Variants in EPHB1 observed in about 807,000 individuals in gnomAD.
The protein encoded by EPHB1 is EPH receptor B1.
A neutral mutation model predicts 94.4 loss-of-function variants in EPHB1; 30 were observed. That is an observed-to-expected ratio of 0.32 (90% CI 0.24 to 0.43). The LOEUF is 0.43. Among genes scored for constraint, EPHB1 ranks in the 20% least tolerant of loss-of-function variants. The probability of loss-of-function intolerance (pLI) is 1.00; values close to 1 mark genes in which losing one functional copy is unlikely to be tolerated. For missense variants in EPHB1, 1,055 were observed against 1,308.3 expected (o/e 0.81, Z 2.99); for synonymous variants, 522 against 489.1 (o/e 1.07, Z -0.89).
intron 3 of EPHB1, among the ~76,000 whole-genome samples, chr3:135,035,355 G>A (rs1285850928): frequency 6.6e-6 from 1 of 152,192 alleles, no homozygotes; most frequent in African/African-American, 2.4e-5. Flanking sequence ...TACCCACAGA[G>A]TTGAGATTTT....
intron 1 of EPHB1, among the ~76,000 whole-genome samples, chr3:134,822,130 G>T (rs976095634): frequency 2.0e-5 from 3 of 152,214 alleles, no homozygotes; most frequent in Non-Finnish European, 2.9e-5. Context: ...CTGTAATGGA[G>T]TGCCATAGCT....
At chr3:134,936,072 C>T (rs1204818391) in intron 2 of EPHB1, among the ~76,000 whole-genome samples, 1 of 152,100 alleles carries the variant, frequency 6.6e-6, no homozygotes, top group Non-Finnish European at 1.5e-5. Flanking sequence ...TGTATCTTTG[C>T]CCCTGAAGGA....
chr3:134,931,412 C>G (rs1448047294), intron 2 of EPHB1, among the ~76,000 whole-genome samples: 1 of 152,222 alleles, frequency 6.6e-6, no homozygotes, highest in South Asian at 2.1e-4. Context: ...ACTTGGGCCA[C>G]CATTGGCCTC....
At chr3:135,219,119 T>G (rs6769586) in intron 12 of EPHB1, among the ~76,000 whole-genome samples, 99,612 of 151,950 alleles carry the variant, frequency 0.66, 33,858 homozygotes, top group Middle Eastern at 0.78. Context: ...GTAAGCCTCA[T>G]CAGAACAGAG....
At chr3:135,202,581 A>G (rs1942786911) in intron 12 of EPHB1, among the ~76,000 whole-genome samples, 1 of 152,224 alleles carries the variant, frequency 6.6e-6, no homozygotes, top group Non-Finnish European at 1.5e-5. Flanking sequence ...AAAGTGACTG[A>G]TCTACCTACT....
chr3:134,882,768 T>TTCTTTCTTTCTTTCTTTC (rs1560280506), intron 1 of EPHB1, among the ~76,000 whole-genome samples: 19 of 44,564 alleles, frequency 4.3e-4, no homozygotes, highest in African/African-American at 1.2e-3. Context: ...CTTCCTTCCT[T>TTCTTTCTTTCTTTCTTTC]TCTTTCTTTC....
At chr3:135,032,875 C>T (rs981197875) in intron 3 of EPHB1, among the ~76,000 whole-genome samples, 1 of 152,164 alleles carries the variant, frequency 6.6e-6, no homozygotes, top group Admixed American at 6.5e-5. Context: ...AAAATTGTGG[C>T]CATTTCTCAA....
intron 6 of EPHB1, among the ~76,000 whole-genome samples, chr3:135,159,048 C>T (rs988674588): frequency 1.3e-5 from 2 of 152,280 alleles, no homozygotes; most frequent in South Asian, 4.1e-4. Context: ...TTGTTGAGCG[C>T]CCAGGTGGTA....
intron 6 of EPHB1, among the ~76,000 whole-genome samples, chr3:135,158,413 A>G (rs931375679): frequency 1.3e-5 from 2 of 152,182 alleles, no homozygotes; most frequent in Non-Finnish European, 2.9e-5. Flanking sequence ...CTGCCTTTGT[A>G]GCGGGAAAGT....
intron 3 of EPHB1, among the ~76,000 whole-genome samples, chr3:135,063,068 A>G (rs892693725): frequency 6.6e-6 from 1 of 152,162 alleles, no homozygotes; most frequent in Admixed American, 6.5e-5. Context: ...TAACAGTACC[A>G]TGCTGTTTTG....
chr3:134,858,175 A>G (rs1441898510), intron 1 of EPHB1, among the ~76,000 whole-genome samples: 2 of 151,910 alleles, frequency 1.3e-5, no homozygotes, highest in African/African-American at 4.8e-5. Context: ...CATCATCATC[A>G]TCATCATCAT....
At chr3:135,257,634 G>A (rs1308593600) in intron 15 of EPHB1, among the ~76,000 whole-genome samples, 1 of 151,398 alleles carries the variant, frequency 6.6e-6, no homozygotes, top group Admixed American at 6.6e-5. Context: ...TGTCAGACAG[G>A]GACATTTAAG....
intron 15 of EPHB1, among the ~76,000 whole-genome samples, chr3:135,255,994 A>G (rs1186754166): frequency 1.3e-5 from 2 of 149,158 alleles, no homozygotes; most frequent in African/African-American, 5.0e-5. Flanking sequence ...GTCTCTTTTG[A>G]TCTTTGTTGG....
At chr3:134,974,028 T>C (rs1350099528) in intron 3 of EPHB1, among the ~76,000 whole-genome samples, 1 of 152,118 alleles carries the variant, frequency 6.6e-6, no homozygotes, top group African/African-American at 2.4e-5. Flanking sequence ...GGAAGGCAAG[T>C]CTTCAGAGAG....
intron 11 of EPHB1, among the ~76,000 whole-genome samples, chr3:135,200,070 T>G (rs1313286055): frequency 1.3e-5 from 2 of 152,172 alleles, no homozygotes; most frequent in Non-Finnish European, 2.9e-5. Context: ...CTTCCATCTC[T>G]CCTCCAGTCA....
chr3:135,248,500 T>C lies in EPHB1; in HGVS notation c.2681T>C (p.Ile894Thr). Residue 894 changes from isoleucine (I) to threonine (T), a missense_variant, in exon 14 of 16, where the codon ATC (isoleucine) becomes ACC (threonine). By Grantham distance (89) the Ile-to-Thr change is moderately conservative (BLOSUM62 -1). Coordinates refer to ENST00000398015, the MANE Select transcript of EPHB1 (RefSeq NM_004441.5). ...GCAAGTCTCAAGACTGTGGCAACCA[T>C]CACCGCCGTGTGAGTCTAGTGAAAC... is the stretch of plus-strand genomic sequence containing the variant. ...NPASLKTVAT[I>T]TAVPSQPLLD... The C allele has an allele frequency of 6.2e-7, 1 of 1,600,374 alleles. No individual in the cohort carries two copies. Among genetic ancestry groups the C allele is most frequent in the Non-Finnish European group, 8.5e-7 (1 of 1,170,528 alleles).
intron 3 of EPHB1, among the ~76,000 whole-genome samples, chr3:135,093,532 A>G (rs1043511618): frequency 3.3e-5 from 5 of 152,166 alleles, no homozygotes; most frequent in African/African-American, 1.2e-4. Context: ...AGCGTGGCCG[A>G]CATGATGAAA....
chr3:135,163,393 G>A (rs969993330), intron 7 of EPHB1, among the ~76,000 whole-genome samples: 5 of 152,174 alleles, frequency 3.3e-5, no homozygotes, highest in Non-Finnish European at 5.9e-5. Context: ...GATGTGAACC[G>A]TCTGGCCCCT....
intron 15 of EPHB1, among the ~76,000 whole-genome samples, chr3:135,253,428 T>C (rs1168614916): frequency 5.4e-5 from 8 of 149,098 alleles, no homozygotes; most frequent in Admixed American, 4.0e-4. Flanking sequence ...GCTTTCTACA[T>C]ATGGCTAGCC....
Sources: allele counts gnomAD v4.1 joint callset (sites outside exome capture counted in the v4.1 genomes callset), GRCh38; gene constraint gnomAD v4.1.1; transcripts MANE v1.5; gene names NCBI Gene and HGNC (gene_info 2026-07-23, HGNC 2026-07-21).